Variants in PTK2 observed in about 807,000 individuals in gnomAD.
The protein encoded by PTK2 is focal adhesion kinase 1.
A neutral mutation model predicts 150.1 loss-of-function variants in PTK2; 45 were observed. The ratio of observed to expected loss-of-function variants is 0.30; its 90% CI spans 0.24 to 0.38. PTK2 has a LOEUF of 0.38. PTK2 is among the 10% of genes least tolerant of loss of function. The pLI is 1.00. For missense variants in PTK2, 919 were observed against 1,307.3 expected, an observed-to-expected ratio of 0.70 and a Z score of 4.58; for synonymous variants, 432 against 449.2, an observed-to-expected ratio of 0.96 and a Z score of 0.48.
chr8:140,883,170 C>A (rs1260594398), intron 3 of PTK2, among the ~76,000 whole-genome samples: 2 of 152,172 alleles, frequency 1.3e-5, no homozygotes, highest in Admixed American at 1.3e-4. Flanking sequence ...ACTCTTTCCT[C>A]CATGTTCATT....
At chr8:140,912,246 A>G (rs1218886778) in intron 2 of PTK2, among the ~76,000 whole-genome samples, 2 of 151,566 alleles carry the variant, frequency 1.3e-5, no homozygotes, top group African/African-American at 2.4e-5. Flanking sequence ...CTGTCTCTAT[A>G]AAAGAAAAAA....
chr8:140,829,129 T>C (rs549385256), intron 8 of PTK2, among the ~76,000 whole-genome samples: 27 of 152,332 alleles, frequency 1.8e-4, no homozygotes, highest in African/African-American at 5.3e-4. Context: ...GCAGCATCAC[T>C]AGAAAGAGAG....
At chr8:140,968,035 C>T (rs1323043456) in intron 1 of PTK2, among the ~76,000 whole-genome samples, 1 of 152,048 alleles carries the variant, frequency 6.6e-6, no homozygotes, top group African/African-American at 2.4e-5. Flanking sequence ...AATTTTTTAG[C>T]CAAAAATATT....
intron 3 of PTK2, among the ~76,000 whole-genome samples, chr8:140,882,246 C>T (rs2100149571): frequency 1.3e-5 from 2 of 152,148 alleles, no homozygotes; most frequent in Non-Finnish European, 2.9e-5. Flanking sequence ...AATATCTGGT[C>T]TGGATAACTC....
intron 22 of PTK2, among the ~76,000 whole-genome samples, chr8:140,729,652 G>C (rs1184574381): frequency 6.6e-6 from 1 of 152,190 alleles, no homozygotes; most frequent in Non-Finnish European, 1.5e-5. Context: ...GGAATTCTCT[G>C]TAATAGTATT....
At chr8:140,767,374 T>C (rs1023860303) in intron 14 of PTK2, among the ~76,000 whole-genome samples, 2 of 152,160 alleles carry the variant, frequency 1.3e-5, no homozygotes, top group Non-Finnish European at 2.9e-5. Context: ...GCAATGTGAA[T>C]AGAGAATTCA....
intron 1 of PTK2, among the ~76,000 whole-genome samples, chr8:140,964,144 T>C (rs1336876770): frequency 6.6e-6 from 1 of 151,598 alleles, no homozygotes; most frequent in East Asian, 1.9e-4. Flanking sequence ...ATGACCCTCC[T>C]CCCACCTAAG....
At chr8:140,981,137 A>G (rs1046290928) in intron 1 of PTK2, among the ~76,000 whole-genome samples, 8 of 151,976 alleles carry the variant, frequency 5.3e-5, no homozygotes, top group East Asian at 1.9e-4. Flanking sequence ...GAAAAAAACA[A>G]TATCATTCAA....
chr8:140,730,957 C>CG lies in PTK2; in HGVS notation c.2030+4293_2030+4294insC, dbSNP rs1224880972. 5.0e-5 allele frequency among the ~76,000 whole-genome samples: 7 copies of CG among 139,770 alleles called. 1 individual carries two copies. In the Middle Eastern group the frequency reaches 0.011, roughly 219 times the overall value. 91.7% of individuals were successfully genotyped at this position (139,770 alleles called of 152,430 possible). On this transcript the variant is annotated intron_variant, in intron 22 of 31. Coordinates refer to ENST00000522684, the Ensembl canonical transcript of PTK2. The stretch of plus-strand genomic sequence containing the variant: ...AGTAACCAGGAATTAAATTAAACCC[C>CG]CCCCCCCCTTTTTTTTTTGAGACAA...
intron 29 of PTK2, among the ~76,000 whole-genome samples, chr8:140,673,827 C>G (rs2100012040): frequency 6.6e-6 from 1 of 152,162 alleles, no homozygotes; most frequent in Non-Finnish European, 1.5e-5. Context: ...TTGAGGATGG[C>G]TCTACTCAGC....
At chr8:140,917,177 G>C (rs1030657081) in intron 2 of PTK2, among the ~76,000 whole-genome samples, 1 of 152,140 alleles carries the variant, frequency 6.6e-6, no homozygotes, top group African/African-American at 2.4e-5. Context: ...GATTACTTGA[G>C]GTCAGGAGTT....
At chr8:140,936,188 C>T (rs1048270608) in intron 1 of PTK2, among the ~76,000 whole-genome samples, 31 of 152,032 alleles carry the variant, frequency 2.0e-4, no homozygotes, top group African/African-American at 7.2e-4. Flanking sequence ...TAGGTCAGAA[C>T]CTTCTAGTTT....
chr8:140,864,906 C>T (rs993130960), intron 4 of PTK2, among the ~76,000 whole-genome samples: 1 of 152,150 alleles, frequency 6.6e-6, no homozygotes, highest in Non-Finnish European at 1.5e-5. Context: ...TTCTGGTAAA[C>T]GTATGTACAC....
chr8:140,789,072 T>C (rs1396985792), intron 14 of PTK2, among the ~76,000 whole-genome samples: 3 of 152,188 alleles, frequency 2.0e-5, no homozygotes, highest in Non-Finnish European at 2.9e-5. Flanking sequence ...TCAAACACCA[T>C]ATTGTGAAAG....
At chr8:140,821,915 A>C (rs926869899) in intron 8 of PTK2, 7 of 152,216 alleles carry the variant, frequency 4.6e-5, no homozygotes, top group Non-Finnish European at 7.3e-5. Flanking sequence ...GGTCAGCCTC[A>C]GATGCTCTAT....
intron 14 of PTK2, among the ~76,000 whole-genome samples, chr8:140,781,313 G>C (rs200347969): frequency 4.1e-4 from 62 of 152,250 alleles, no homozygotes; most frequent in East Asian, 3.5e-3. Flanking sequence ...TAAAAAGATT[G>C]AGAAGTTTAT....
intron 1 of PTK2, among the ~76,000 whole-genome samples, chr8:140,971,628 C>T (rs969507723): frequency 1.3e-5 from 2 of 152,176 alleles, no homozygotes; most frequent in Admixed American, 1.3e-4. Context: ...CAAAGGAAAA[C>T]AGTACTTATA....
intron 1 of PTK2, among the ~76,000 whole-genome samples, chr8:140,961,912 G>A (rs972868547): frequency 6.6e-6 from 1 of 152,104 alleles, no homozygotes; most frequent in South Asian, 2.1e-4. Context: ...GGTGTTTTAG[G>A]AAAACTGCCT....
chr8:140,903,856 A>G (rs2100159759), intron 2 of PTK2, among the ~76,000 whole-genome samples: 1 of 152,178 alleles, frequency 6.6e-6, no homozygotes, highest in African/African-American at 2.4e-5. Flanking sequence ...GAACCCTGAG[A>G]TTTTGCTGAA....
Sources: allele counts gnomAD v4.1 joint callset (sites outside exome capture counted in the v4.1 genomes callset), GRCh38; gene constraint gnomAD v4.1.1; transcripts MANE v1.5; gene names NCBI Gene and HGNC (gene_info 2026-07-23, HGNC 2026-07-21).